Variants in MSI2 observed in about 807,000 individuals in gnomAD.
The protein encoded by MSI2 is musashi RNA binding protein 2.
A neutral mutation model predicts 45.6 loss-of-function variants in MSI2; 17 were observed. The observed-to-expected ratio is 0.37, with a 90% CI of 0.26 to 0.56. The LOEUF (loss-of-function observed/expected upper bound fraction) is 0.56. Among genes scored for constraint, MSI2 ranks in the 20% least tolerant of loss-of-function variants. The pLI, the probability that MSI2 is intolerant of heterozygous loss-of-function variation, is 0.77. For synonymous variants in MSI2, 156 were observed against 158.2 expected, an observed-to-expected ratio of 0.99 and a Z score of 0.11; for missense variants, 293 against 444.2, an observed-to-expected ratio of 0.66 and a Z score of 3.06.
intron 5 of MSI2, among the ~76,000 whole-genome samples, chr17:57,354,748 C>T (rs1360021095): frequency 1.3e-5 from 2 of 152,042 alleles, no homozygotes; most frequent in African/African-American, 4.8e-5. Context: ...TACAAGGAGC[C>T]TGGGAGCTTG....
Position 57,341,972 on chromosome 17 carries a change from C to T in MSI2, c.313-59407C>T, listed in dbSNP as rs918128714. On this transcript the variant is annotated intron_variant, in intron 5 of 13. Coordinates refer to ENST00000284073, the MANE Select transcript of MSI2 (RefSeq NM_138962.4). Reference sequence around the variant, plus strand: ...CTTGCCATGGAACCAGAGTGAGCTACATATTGCCCTATTTTCAGCTGATTT... The same window carrying T: ...CTTGCCATGGAACCAGAGTGAGCTATATATTGCCCTATTTTCAGCTGATTT... Among the ~76,000 whole-genome samples the T allele has an allele frequency of 6.7e-4, 102 of 152,200 alleles. 3 individuals carry two copies. Among genetic ancestry groups the T allele is most frequent in the Admixed American group, 6.2e-3 (95 of 15,292 alleles).
intron 9 of MSI2, among the ~76,000 whole-genome samples, chr17:57,619,258 G>A (rs1371514944): frequency 1.3e-5 from 2 of 152,228 alleles, no homozygotes; most frequent in African/African-American, 4.8e-5. Flanking sequence ...CGGGGCAGGA[G>A]GCAAGGGGCA....
chr17:57,458,392 G>A (rs1381562406), intron 6 of MSI2, among the ~76,000 whole-genome samples: 1 of 152,172 alleles, frequency 6.6e-6, no homozygotes. Context: ...GAGCCACCGT[G>A]CCCGGCCACA....
At chr17:57,275,547 C>T (rs1349213038) in intron 5 of MSI2, among the ~76,000 whole-genome samples, 1 of 152,198 alleles carries the variant, frequency 6.6e-6, no homozygotes, top group East Asian at 1.9e-4. Flanking sequence ...TGCTGACGCT[C>T]AGACCTATTG....
intron 5 of MSI2, among the ~76,000 whole-genome samples, chr17:57,312,721 G>A (rs1293952011): frequency 6.6e-6 from 1 of 152,130 alleles, no homozygotes; most frequent in East Asian, 1.9e-4. Context: ...TGCTTGTGAA[G>A]GATTTTAGGA....
At chr17:57,409,323 A>G (rs2143173421) in intron 6 of MSI2, among the ~76,000 whole-genome samples, 1 of 152,292 alleles carries the variant, frequency 6.6e-6, no homozygotes, top group East Asian at 1.9e-4. Flanking sequence ...CTTGAGTGGA[A>G]ATGAAGTCAT....
intron 5 of MSI2, chr17:57,268,489 G>C (rs891004000): frequency 6.6e-6 from 1 of 151,460 alleles, no homozygotes; most frequent in Non-Finnish European, 1.5e-5. Context: ...TGGTATTTAG[G>C]TTCATGCCTT....
chr17:57,556,107 C>T (rs9912125), intron 7 of MSI2, among the ~76,000 whole-genome samples: 68,561 of 152,144 alleles, frequency 0.45, 17,210 homozygotes, highest in African/African-American at 0.7. Flanking sequence ...GTCCAGTGTC[C>T]ATCAAGAATG....
chr17:57,321,166 C>T (rs558031361), intron 5 of MSI2, among the ~76,000 whole-genome samples: 13 of 152,080 alleles, frequency 8.5e-5, no homozygotes, highest in African/African-American at 2.9e-4. Context: ...ACCCTCCAAA[C>T]GTGGCTCAGC....
chr17:57,545,061 C>G (rs772957021), intron 7 of MSI2, among the ~76,000 whole-genome samples: 1 of 152,004 alleles, frequency 6.6e-6, no homozygotes, highest in Non-Finnish European at 1.5e-5. Flanking sequence ...GAAACAAGCA[C>G]GTTTGGTGGG....
intron 5 of MSI2, among the ~76,000 whole-genome samples, chr17:57,306,000 A>T (rs1911850575): frequency 6.6e-6 from 1 of 152,130 alleles, no homozygotes. Flanking sequence ...TATTTATTGA[A>T]TGTCTGTTAT....
chr17:57,606,946 G>A (rs1390696773), intron 8 of MSI2, among the ~76,000 whole-genome samples: 1 of 152,000 alleles, frequency 6.6e-6, no homozygotes, highest in Non-Finnish European at 1.5e-5. Context: ...CAGGGGTTTT[G>A]AAGCTGGGGG....
intron 6 of MSI2, among the ~76,000 whole-genome samples, chr17:57,510,048 GCCTGC>G (rs2086317737): frequency 6.6e-6 from 1 of 152,028 alleles, no homozygotes; most frequent in African/African-American, 2.4e-5. Flanking sequence ...TGTGTGCTGG[GCCTGC>G]CACGTATTTG....
intron 5 of MSI2, among the ~76,000 whole-genome samples, chr17:57,374,393 A>G (rs1266202729): frequency 3.3e-5 from 5 of 152,154 alleles, no homozygotes; most frequent in African/African-American, 1.2e-4. Flanking sequence ...TAAAACTTTA[A>G]CTTCCTCAAT....
intron 5 of MSI2, among the ~76,000 whole-genome samples, chr17:57,291,912 TCTAA>T (rs1174614036): frequency 6.6e-6 from 1 of 152,036 alleles, no homozygotes; most frequent in African/African-American, 2.4e-5. Flanking sequence ...CCCCCGCCAT[TCTAA>T]CTAACCAGGC....
At chr17:57,464,610 G>A (rs1174084366) in intron 6 of MSI2, among the ~76,000 whole-genome samples, 1 of 152,150 alleles carries the variant, frequency 6.6e-6, no homozygotes, top group Non-Finnish European at 1.5e-5. Flanking sequence ...CCTCGTTACG[G>A]GGTGTGGGTG....
intron 6 of MSI2, among the ~76,000 whole-genome samples, chr17:57,464,017 G>GTA (rs1363381798): frequency 6.3e-5 from 9 of 142,640 alleles, no homozygotes; most frequent in South Asian, 2.3e-4. Flanking sequence ...GTGTGTGTGT[G>GTA]TGTATGTGTG....
intron 7 of MSI2, among the ~76,000 whole-genome samples, chr17:57,551,442 G>A (rs1598392401): frequency 6.6e-6 from 1 of 152,118 alleles, no homozygotes; most frequent in Non-Finnish European, 1.5e-5. Flanking sequence ...GTTCAGGTGG[G>A]TGGAGAAGGC....
chr17:57,572,306 G>A (rs547154065), intron 7 of MSI2, among the ~76,000 whole-genome samples: 23 of 152,320 alleles, frequency 1.5e-4, no homozygotes, highest in African/African-American at 3.8e-4. Flanking sequence ...TTTTGGGTTC[G>A]CTAAGCAAGA....
Sources: allele counts gnomAD v4.1 joint callset (sites outside exome capture counted in the v4.1 genomes callset), GRCh38; gene constraint gnomAD v4.1.1; transcripts MANE v1.5; gene names NCBI Gene and HGNC (gene_info 2026-07-23, HGNC 2026-07-21).